Variants in SGCZ observed in about 807,000 individuals in gnomAD.
The protein encoded by SGCZ is zeta-sarcoglycan.
A neutral mutation model predicts 41.3 loss-of-function variants in SGCZ; 40 were observed. The observed-to-expected ratio is 0.97, with a 90% CI of 0.75 to 1.26. The LOEUF (loss-of-function observed/expected upper bound fraction) is 1.26. Among genes scored for constraint, SGCZ ranks in the 50% most tolerant of loss-of-function variants. The pLI is 0.00. For missense variants in SGCZ, 552 were observed against 369.8 expected (o/e 1.49, Z -4.04); for synonymous variants, 206 against 137.5 (o/e 1.50, Z -3.49).
intron 4 of SGCZ, among the ~76,000 whole-genome samples, chr8:14,166,529 A>C (rs1804215909): frequency 2.0e-5 from 3 of 152,158 alleles, no homozygotes; most frequent in Non-Finnish European, 1.5e-5. Context: ...CCTGAAAGGT[A>C]TTATAGATAT....
chr8:14,966,438 T>C (rs1238552775), intron 1 of SGCZ, among the ~76,000 whole-genome samples: 1 of 151,866 alleles, frequency 6.6e-6, no homozygotes, highest in Non-Finnish European at 1.5e-5. Context: ...TATAAATTCT[T>C]AAAAGTGATT....
chr8:14,819,626 C>G (rs1375491290), intron 1 of SGCZ, among the ~76,000 whole-genome samples: 1 of 152,016 alleles, frequency 6.6e-6, no homozygotes, highest in South Asian at 2.1e-4. Context: ...TTTCAATACT[C>G]CAGTATGAAG....
intron 2 of SGCZ, among the ~76,000 whole-genome samples, chr8:14,372,658 G>A (rs2117165912): frequency 6.6e-6 from 1 of 152,208 alleles, no homozygotes; most frequent in South Asian, 2.1e-4. Context: ...AGAGGGCAAG[G>A]GAGTGACTCC....
chr8:14,910,643 A>G (rs906494505), intron 1 of SGCZ, among the ~76,000 whole-genome samples: 1 of 151,942 alleles, frequency 6.6e-6, no homozygotes, highest in Non-Finnish European at 1.5e-5. Flanking sequence ...GATGGACATT[A>G]ACAGAAAACA....
intron 3 of SGCZ, among the ~76,000 whole-genome samples, chr8:14,248,853 G>A (rs577605251): frequency 6.6e-6 from 1 of 151,804 alleles, no homozygotes; most frequent in Non-Finnish European, 1.5e-5. Flanking sequence ...CATGTATGCT[G>A]TAACTTAATT....
chr8:14,410,161 G>A (rs1799320713), intron 2 of SGCZ, among the ~76,000 whole-genome samples: 1 of 152,050 alleles, frequency 6.6e-6, no homozygotes, highest in Non-Finnish European at 1.5e-5. Flanking sequence ...TGCTCCTTAT[G>A]ATAATCTAAC....
At position 14,135,294 on chromosome 8, in the gene SGCZ, C is replaced by T. The variant is rs530840643; in HGVS notation, c.548-27059G>A. ...GAATTATTTCACTTTTTCTCCTTCACTATCTCTTCCTTTCTTCTTGTTTAT... is the reference window on the plus strand; with the variant it reads ...GAATTATTTCACTTTTTCTCCTTCATTATCTCTTCCTTTCTTCTTGTTTAT... On this transcript the variant is annotated intron_variant, in intron 5 of 7. Coordinates refer to ENST00000382080, the MANE Select transcript of SGCZ (RefSeq NM_139167.4). Among the ~76,000 whole-genome samples the T allele has an allele frequency of 5.9e-5, 9 of 152,354 alleles. No homozygotes were observed. The South Asian group carries it at 1.7e-3, about 28-fold the overall frequency.
intron 1 of SGCZ, among the ~76,000 whole-genome samples, chr8:14,925,668 G>C (rs548311283): frequency 6.6e-6 from 1 of 152,206 alleles, no homozygotes; most frequent in Non-Finnish European, 1.5e-5. Context: ...TCCTATGCCA[G>C]ATCCAGTGTG....
intron 1 of SGCZ, among the ~76,000 whole-genome samples, chr8:15,233,049 A>G (rs900500053): frequency 6.6e-6 from 1 of 151,790 alleles, no homozygotes; most frequent in Non-Finnish European, 1.5e-5. Flanking sequence ...TATTTTGTAA[A>G]GTGAATTGGA....
chr8:14,175,610 T>A (rs1353906838), intron 4 of SGCZ, among the ~76,000 whole-genome samples: 1 of 151,852 alleles, frequency 6.6e-6, no homozygotes, highest in South Asian at 2.1e-4. Context: ...AATAGAAGAA[T>A]CTAAATTAGT....
intron 4 of SGCZ, among the ~76,000 whole-genome samples, chr8:14,166,701 T>C (rs939262414): frequency 1.3e-5 from 2 of 152,074 alleles, no homozygotes; most frequent in Non-Finnish European, 2.9e-5. Context: ...TACCAAGACT[T>C]TTCTTGGCAT....
chr8:15,024,559 G>A (rs917048641), intron 1 of SGCZ, among the ~76,000 whole-genome samples: 1 of 152,118 alleles, frequency 6.6e-6, no homozygotes, highest in Non-Finnish European at 1.5e-5. Context: ...ATGTTAGAAG[G>A]TGATCAATGC....
chr8:14,997,837 G>A (rs920402092), intron 1 of SGCZ, among the ~76,000 whole-genome samples: 24 of 152,126 alleles, frequency 1.6e-4, no homozygotes, highest in Non-Finnish European at 4.4e-5. Context: ...GCACACGCCT[G>A]TAATCCCAGA....
chr8:14,846,735 C>G (rs1377453792), intron 1 of SGCZ, among the ~76,000 whole-genome samples: 1 of 146,252 alleles, frequency 6.8e-6, no homozygotes, highest in Admixed American at 6.8e-5. Context: ...AAAAGTCAGA[C>G]CCATTTGGCT....
chr8:14,359,640 C>G lies in SGCZ; in HGVS notation c.235-35436G>C, dbSNP rs552633799. Among the ~76,000 whole-genome samples the G allele has an allele frequency of 1.4e-4, 21 of 152,078 alleles. No homozygotes were observed. The South Asian group carries it at 4.4e-3, about 32-fold the overall frequency. On this transcript the variant is annotated intron_variant, in intron 2 of 7. Transcript: ENST00000382080. Reference sequence around the variant, plus strand: ...CACTCCTGAGATTAAGGCTGTAAGTCTCTCAGCAAAGAAAAGCCCAAGACA... The same window carrying G: ...CACTCCTGAGATTAAGGCTGTAAGTGTCTCAGCAAAGAAAAGCCCAAGACA...
At chr8:15,160,696 G>C (rs1043231133) in intron 1 of SGCZ, among the ~76,000 whole-genome samples, 3 of 152,154 alleles carry the variant, frequency 2.0e-5, no homozygotes, top group Non-Finnish European at 4.4e-5. Context: ...GTAGGCATAT[G>C]AGACTTAACA....
At chr8:14,553,175 A>C (rs1321961102) in intron 2 of SGCZ, among the ~76,000 whole-genome samples, 1 of 152,054 alleles carries the variant, frequency 6.6e-6, no homozygotes, top group Admixed American at 6.6e-5. Flanking sequence ...AGAAGGCAGG[A>C]GCAGAGCTGA....
rs182550956 is a variant in SGCZ, at chr8:14,313,395, C to G, written c.336+10708G>C. Among the ~76,000 whole-genome samples the G allele has an allele frequency of 2.8e-4, 43 of 152,256 alleles. No homozygotes were observed. The South Asian group carries it at 3.1e-3, about 11-fold the overall frequency. Reference sequence around the variant, plus strand: ...GTTGCGCCATCTCGGCTCACTGCATCCTCCGCCTCCTGAGTTCAAGTGATT... The same window carrying G: ...GTTGCGCCATCTCGGCTCACTGCATGCTCCGCCTCCTGAGTTCAAGTGATT... On this transcript the variant is annotated intron_variant, in intron 3 of 7. Transcript: ENST00000382080.
intron 1 of SGCZ, among the ~76,000 whole-genome samples, chr8:14,730,974 T>G (rs1320577182): frequency 6.6e-6 from 1 of 151,748 alleles, no homozygotes; most frequent in Non-Finnish European, 1.5e-5. Flanking sequence ...GAAGACAGTG[T>G]GGCTATTCCT....
Sources: allele counts gnomAD v4.1 joint callset (sites outside exome capture counted in the v4.1 genomes callset), GRCh38; gene constraint gnomAD v4.1.1; transcripts MANE v1.5; gene names NCBI Gene and HGNC (gene_info 2026-07-23, HGNC 2026-07-21).